KLF15: variants seen among roughly 807,000 people sequenced by gnomAD.
The protein encoded by KLF15 is KLF transcription factor 15.
In KLF15, 4 loss-of-function variants were observed where a neutral mutation model predicts 24.6. That is an observed-to-expected ratio of 0.16 (90% CI 0.08 to 0.37). The LOEUF is 0.37. Ranked by LOEUF, KLF15 falls within the 10% of genes least tolerant of loss-of-function variation. The pLI is 1.00. For synonymous variants in KLF15, 246 were observed against 236.3 expected, an observed-to-expected ratio of 1.04 and a Z score of -0.37; for missense variants, 496 against 560.6, an observed-to-expected ratio of 0.88 and a Z score of 1.16.
chr3:126,289,418 G>A, the KLF15 span, among the ~76,000 whole-genome samples: 1 of 152,180 alleles, frequency 6.6e-6, no homozygotes, highest in African/African-American at 2.4e-5. Context: ...TAGAAGTAAT[G>A]TGCCAATGGT....
chr3:126,311,538 G>A, the KLF15 span, among the ~76,000 whole-genome samples: 3 of 152,164 alleles, frequency 2.0e-5, no homozygotes, highest in South Asian at 2.1e-4. Flanking sequence ...GGCCTTCTCT[G>A]CCCTAGGCTA....
At chr3:126,342,154 G>A (rs1276164490), downstream of KLF15, among the ~76,000 whole-genome samples, 1 of 152,160 alleles carries the variant, frequency 6.6e-6, no homozygotes, top group Non-Finnish European at 1.5e-5. Flanking sequence ...TGCCTGCTCA[G>A]GATTCCTAAC....
chr3:126,345,759 C>T (rs868283606), intron 2 of KLF15, among the ~76,000 whole-genome samples: 3 of 152,040 alleles, frequency 2.0e-5, no homozygotes, highest in African/African-American at 4.8e-5. Context: ...AGCAGAAGGA[C>T]CCAGCAGAAC....
chr3:126,349,752 C>T (rs1330745462), intron 2 of KLF15, among the ~76,000 whole-genome samples: 1 of 152,172 alleles, frequency 6.6e-6, no homozygotes, highest in African/African-American at 2.4e-5. Flanking sequence ...GAAACCTGAG[C>T]CCGACTAAGG....
rs186319288 is a variant in KLF15, at chr3:126,343,180, G to A, written c.*547C>T. Reference sequence around the variant, plus strand: ...CCCCCCCCCCCCCCCCCCCCCCCCCGGCTCCAGGGACCTGCCCACACCCTC... The same window carrying A: ...CCCCCCCCCCCCCCCCCCCCCCCCCAGCTCCAGGGACCTGCCCACACCCTC... On this transcript the variant is annotated 3_prime_UTR_variant, in exon 3 of 3. Transcript: ENST00000296233. The A allele has an allele frequency of 3.2e-4, 5 of 15,716 alleles. No individual in the cohort carries two copies. The highest frequency in any genetic ancestry group is 1.4e-3 in the African/African-American group (4 of 2,928). 1.0% of individuals were successfully genotyped at this position (15,716 alleles called of 1,614,324 possible).
At chr3:126,297,212 T>G in the KLF15 span, among the ~76,000 whole-genome samples, 1 of 152,236 alleles carries the variant, frequency 6.6e-6, no homozygotes, top group African/African-American at 2.4e-5. Context: ...TCACCTGTTT[T>G]TTTTTCTAGC....
At chr3:126,347,373 T>C (rs1489489150) in intron 2 of KLF15, among the ~76,000 whole-genome samples, 1 of 151,850 alleles carries the variant, frequency 6.6e-6, no homozygotes, top group African/African-American at 2.4e-5. Context: ...TGCAGAGGGG[T>C]CATGAGAGCA....
At chr3:126,321,281 CCTAAAG>C in the KLF15 span, among the ~76,000 whole-genome samples, 3 of 152,170 alleles carry the variant, frequency 2.0e-5, no homozygotes, top group East Asian at 5.8e-4. Context: ...CTCTCAGAAT[CCTAAAG>C]CTTCAATGGG....
chr3:126,293,038 G>A, the KLF15 span, among the ~76,000 whole-genome samples: 7 of 151,856 alleles, frequency 4.6e-5, no homozygotes, highest in South Asian at 2.1e-4. Context: ...GGCCAGGGGC[G>A]GTGGCTCATG....
At chr3:126,338,238 C>G (rs1165814780), downstream of KLF15, among the ~76,000 whole-genome samples, 1 of 152,172 alleles carries the variant, frequency 6.6e-6, no homozygotes, top group African/African-American at 2.4e-5. Flanking sequence ...AGGTGGGAAC[C>G]AGGACTCCTG....
chr3:126,309,805 C>T, the KLF15 span, among the ~76,000 whole-genome samples: 20 of 152,162 alleles, frequency 1.3e-4, no homozygotes, highest in Non-Finnish European at 2.1e-4. Context: ...CTTATAGCAC[C>T]AGAACGTCAG....
At chr3:126,351,451 T>C (rs962400211) in intron 2 of KLF15, among the ~76,000 whole-genome samples, 3 of 152,270 alleles carry the variant, frequency 2.0e-5, no homozygotes, top group African/African-American at 7.2e-5. Context: ...GTGATGTAAG[T>C]TGGGAGTGAT....
chr3:126,334,225 T>G, the KLF15 span, among the ~76,000 whole-genome samples: 79 of 151,976 alleles, frequency 5.2e-4, 1 homozygote, highest in Admixed American at 5.2e-4. Context: ...AAACTATCTC[T>G]CAGACCACAG....
Position 126,343,792 on chromosome 3 carries a change from G to A in KLF15, c.1186C>T (p.Leu396Phe). ...CEKKFARSDH[L>F]SKHIKVHRFP... ...CGGTGCACCTTGATGTGCTTGGAGA[G>A]GTGGTCGCTCCGCGCGAACTTCTTC... The change falls in exon 3 of 3, where the codon CTC (leucine) becomes TTC (phenylalanine). Residue 396 changes from leucine to phenylalanine, a missense_variant. Leu to Phe is a conservative substitution (Grantham distance 22). Transcript: ENST00000296233. 1 of 1,612,068 alleles carries A rather than the reference G, an allele frequency of 6.2e-7. No homozygotes were observed. The highest frequency in any genetic ancestry group is 8.5e-7 in the Non-Finnish European group (1 of 1,179,926).
At chr3:126,290,498 T>TCCTTCCTC in the KLF15 span, among the ~76,000 whole-genome samples, 1 of 113,742 alleles carries the variant, frequency 8.8e-6, no homozygotes, top group African/African-American at 3.6e-5. Flanking sequence ...CTTCCTTTCT[T>TCCTTCCTC]CCTTCCTACC....
At chr3:126,297,373 C>T in the KLF15 span, among the ~76,000 whole-genome samples, 2 of 152,042 alleles carry the variant, frequency 1.3e-5, no homozygotes, top group African/African-American at 2.4e-5. Context: ...TATTATTGCC[C>T]CACTATTGTA....
downstream of KLF15, among the ~76,000 whole-genome samples, chr3:126,340,863 C>T (rs528987312): frequency 6.6e-6 from 1 of 151,786 alleles, no homozygotes; most frequent in South Asian, 2.1e-4. Context: ...TCTCAACCCC[C>T]ACCAGGGCCA....
At chr3:126,322,263 G>A in the KLF15 span, among the ~76,000 whole-genome samples, 11 of 152,244 alleles carry the variant, frequency 7.2e-5, no homozygotes, top group African/African-American at 2.6e-4. Context: ...TTTTCTTACA[G>A]TTCTGGAAAT....
At chr3:126,309,888 G>A in the KLF15 span, among the ~76,000 whole-genome samples, 4 of 152,336 alleles carry the variant, frequency 2.6e-5, no homozygotes, top group South Asian at 4.1e-4. Context: ...CAATGGCCAA[G>A]GCAGGAGCCA....
Sources: allele counts gnomAD v4.1 joint callset (sites outside exome capture counted in the v4.1 genomes callset), GRCh38; gene constraint gnomAD v4.1.1; transcripts MANE v1.5; gene names NCBI Gene and HGNC (gene_info 2026-07-23, HGNC 2026-07-21).